The following RPS6KC1 variants were observed in gnomAD, a reference collection of about 807,000 sequenced individuals.
RPS6KC1 encodes ribosomal protein S6 kinase C1.
RPS6KC1 carries 54 observed loss-of-function variants against 103.8 expected under a neutral mutation model. The observed-to-expected ratio is 0.52, with a 90% CI of 0.42 to 0.65. RPS6KC1 has a LOEUF of 0.65. RPS6KC1 is among the 30% of genes least tolerant of loss of function. The pLI, the probability that RPS6KC1 is intolerant of heterozygous loss-of-function variation, is 0.00. For missense variants in RPS6KC1, 1,151 were observed against 1,253.8 expected (o/e 0.92, Z 1.24); for synonymous variants, 439 against 438.7 (o/e 1.00, Z -0.01).
the RPS6KC1 span, among the ~76,000 whole-genome samples, chr1:213,667,982 G>T: frequency 6.6e-6 from 1 of 152,126 alleles, no homozygotes; most frequent in East Asian, 1.9e-4. Context: ...TAGTTCTCTT[G>T]CTATTTCTAC....
At chr1:213,718,101 A>G in the RPS6KC1 span, among the ~76,000 whole-genome samples, 1 of 152,226 alleles carries the variant, frequency 6.6e-6, no homozygotes, top group Non-Finnish European at 1.5e-5. Flanking sequence ...TGCAGCCCAG[A>G]GCCACTGACC....
At chr1:213,237,692 A>G (rs1469343811) in intron 10 of RPS6KC1, among the ~76,000 whole-genome samples, 2 of 152,138 alleles carry the variant, frequency 1.3e-5, no homozygotes, top group Non-Finnish European at 2.9e-5. Context: ...GCAATCTTAT[A>G]GAAAAACAAT....
chr1:213,522,368 C>T, the RPS6KC1 span, among the ~76,000 whole-genome samples: 204 of 152,250 alleles, frequency 1.3e-3, 1 homozygote, highest in African/African-American at 4.7e-3. Flanking sequence ...AGAGGGCAGG[C>T]GGAGTAGATT....
intron 3 of RPS6KC1, among the ~76,000 whole-genome samples, chr1:213,078,981 G>A (rs987077691): frequency 4.6e-5 from 7 of 152,010 alleles, no homozygotes; most frequent in Non-Finnish European, 1.0e-4. Flanking sequence ...ATATGTATAT[G>A]CCTTTTTACC....
At chr1:213,766,386 G>C in the RPS6KC1 span, among the ~76,000 whole-genome samples, 4 of 152,104 alleles carry the variant, frequency 2.6e-5, no homozygotes, top group Non-Finnish European at 5.9e-5. Flanking sequence ...TTGTCATCAA[G>C]AGCACAAACC....
At chr1:213,352,234 G>T in the RPS6KC1 span, among the ~76,000 whole-genome samples, 1 of 152,168 alleles carries the variant, frequency 6.6e-6, no homozygotes, top group South Asian at 2.1e-4. Context: ...AACAGAATGT[G>T]CATGGAAGTG....
At chr1:213,243,948 A>T (rs2094408911) in intron 12 of RPS6KC1, among the ~76,000 whole-genome samples, 1 of 152,208 alleles carries the variant, frequency 6.6e-6, no homozygotes, top group Admixed American at 6.5e-5. Flanking sequence ...GCAGTAGAGA[A>T]TACCAAAGTT....
the RPS6KC1 span, among the ~76,000 whole-genome samples, chr1:213,745,420 TA>T: frequency 0.18 from 22,789 of 127,938 alleles, 1,851 homozygotes; most frequent in Middle Eastern, 0.29. Context: ...TACTGTGACT[TA>T]AAAAAAAAAA....
chr1:213,604,858 C>A, the RPS6KC1 span, among the ~76,000 whole-genome samples: 2 of 152,046 alleles, frequency 1.3e-5, no homozygotes, highest in Non-Finnish European at 2.9e-5. Context: ...GAAGGGTGGG[C>A]AAGTGTGTGA....
At chr1:213,477,850 A>G in the RPS6KC1 span, among the ~76,000 whole-genome samples, 18 of 152,174 alleles carry the variant, frequency 1.2e-4, no homozygotes, top group African/African-American at 4.3e-4. Context: ...TACATGTTTT[A>G]TAATCAATGG....
the RPS6KC1 span, among the ~76,000 whole-genome samples, chr1:213,598,900 A>G: frequency 6.6e-6 from 1 of 152,202 alleles, no homozygotes; most frequent in Admixed American, 6.5e-5. Context: ...CAGCCGGGCG[A>G]CAGAGACTAT....
chr1:213,113,919 A>G (rs1226197195), intron 4 of RPS6KC1, among the ~76,000 whole-genome samples: 1 of 152,072 alleles, frequency 6.6e-6, no homozygotes, highest in African/African-American at 2.4e-5. Context: ...ATTGATCTAT[A>G]TCTCTATTTT....
chr1:213,409,366 G>T, the RPS6KC1 span, among the ~76,000 whole-genome samples: 1 of 152,108 alleles, frequency 6.6e-6, no homozygotes, highest in Non-Finnish European at 1.5e-5. Context: ...GGTTCTGACT[G>T]AGGAAGGCCA....
At chr1:213,634,752 A>T in the RPS6KC1 span, among the ~76,000 whole-genome samples, 1 of 151,830 alleles carries the variant, frequency 6.6e-6, no homozygotes, top group Non-Finnish European at 1.5e-5. Context: ...AAAGAGATAG[A>T]GACACTAAAA....
chr1:213,719,682 T>G, the RPS6KC1 span, among the ~76,000 whole-genome samples: 1 of 152,212 alleles, frequency 6.6e-6, no homozygotes, highest in Non-Finnish European at 1.5e-5. Flanking sequence ...ATGTGGTCTC[T>G]GTCCCTGAGG....
the RPS6KC1 span, among the ~76,000 whole-genome samples, chr1:213,793,042 C>G: frequency 1.3e-4 from 20 of 152,204 alleles, no homozygotes; most frequent in Admixed American, 5.2e-4. Context: ...CCCCAGAGAG[C>G]AGATGGGATT....
the RPS6KC1 span, among the ~76,000 whole-genome samples, chr1:213,850,303 T>C: frequency 3.9e-5 from 6 of 152,230 alleles, no homozygotes; most frequent in Non-Finnish European, 1.5e-5. Context: ...GTTTTTTCAA[T>C]TGATCATCAA....
At chr1:213,101,565 T>C (rs970395899) in intron 3 of RPS6KC1, among the ~76,000 whole-genome samples, 3 of 152,218 alleles carry the variant, frequency 2.0e-5, no homozygotes, top group African/African-American at 7.2e-5. Context: ...TCCAATTTTT[T>C]TTTGTATTTG....
chr1:213,194,308 A>G (rs936097914), intron 8 of RPS6KC1, among the ~76,000 whole-genome samples: 2 of 151,980 alleles, frequency 1.3e-5, no homozygotes, highest in Admixed American at 6.6e-5. Flanking sequence ...TTTATGTTCA[A>G]TGTTATTGTT....
Sources: gnomAD v4.1 joint callset for allele counts (sites outside exome capture counted in the v4.1 genomes callset) on GRCh38, gnomAD v4.1.1 for gene constraint, MANE v1.5 for transcripts, NCBI Gene and HGNC (gene_info 2026-07-23, HGNC 2026-07-21) for gene names.